CCDC171: variants seen among roughly 807,000 people sequenced by gnomAD.
The protein encoded by CCDC171 is coiled-coil domain containing 171, also known as coiled-coil domain-containing protein 171.
A neutral mutation model predicts 168.2 loss-of-function variants in CCDC171; 177 were observed. The observed-to-expected ratio is 1.05, with a 90% CI of 0.93 to 1.19. The LOEUF (loss-of-function observed/expected upper bound fraction) is 1.19. Among genes scored for constraint, CCDC171 ranks in the 50% most tolerant of loss-of-function variants. CCDC171 has a pLI of 0.00. For missense variants in CCDC171, 1,991 were observed against 1,539.0 expected (o/e 1.29, Z -4.91); for synonymous variants, 687 against 540.8 (o/e 1.27, Z -3.75).
chr9:15,668,885 C>A (rs779521424), intron 9 of CCDC171, among the ~76,000 whole-genome samples: 1 of 151,956 alleles, frequency 6.6e-6, no homozygotes, highest in Non-Finnish European at 1.5e-5. Context: ...CAAAGTAGTT[C>A]TAAGTTTTGG....
rs531702024 is a variant in CCDC171 at position 15,699,946 on chromosome 9, C to T, written c.1318+4609C>T. ...CTGAGCTAGACATAAAGATTCTCCA[C>T]GTCCCCACCAGACTCAGGAGCCCAA... On this transcript the variant is annotated intron_variant, in intron 11 of 25. Transcript: ENST00000380701. 2.6e-5 allele frequency among the ~76,000 whole-genome samples: 4 copies of T among 152,362 alleles called. No homozygotes were observed. In the East Asian group the frequency reaches 5.8e-4, roughly 22 times the overall value.
chr9:15,826,732 T>TC (rs2060029689), intron 21 of CCDC171, among the ~76,000 whole-genome samples: 2 of 151,984 alleles, frequency 1.3e-5, no homozygotes, highest in African/African-American at 4.8e-5. Context: ...TGACTTCATA[T>TC]ACCAGCCTTC....
intron 6 of CCDC171, among the ~76,000 whole-genome samples, chr9:15,600,505 G>A (rs551673984): frequency 3.9e-5 from 6 of 152,122 alleles, no homozygotes; most frequent in African/African-American, 4.8e-5. Context: ...AAGTTTTGTC[G>A]CAGAGGAGTA....
At chr9:15,808,611 T>C (rs562106977) in intron 21 of CCDC171, among the ~76,000 whole-genome samples, 1 of 152,140 alleles carries the variant, frequency 6.6e-6, no homozygotes, top group South Asian at 2.1e-4. Flanking sequence ...GGGTGCTTGA[T>C]TTCAGAGAGC....
chr9:15,794,746 A>G (rs778400364), intron 21 of CCDC171, among the ~76,000 whole-genome samples: 1 of 152,222 alleles, frequency 6.6e-6, no homozygotes, highest in Non-Finnish European at 1.5e-5. Flanking sequence ...TCCTATCAGA[A>G]GTTTGCTGAC....
intron 7 of CCDC171, among the ~76,000 whole-genome samples, chr9:15,629,549 G>C (rs1761239747): frequency 6.6e-6 from 1 of 152,204 alleles, no homozygotes; most frequent in Non-Finnish European, 1.5e-5. Flanking sequence ...ATCTACGTCT[G>C]ATGGGTGTAC....
At chr9:15,646,349 A>G (rs976256516) in intron 7 of CCDC171, among the ~76,000 whole-genome samples, 5 of 152,190 alleles carry the variant, frequency 3.3e-5, no homozygotes, top group Non-Finnish European at 7.3e-5. Flanking sequence ...TCAACTAATG[A>G]GCAAAATAAC....
chr9:16,009,806 CAT>C (rs906122896), intron 3 of CCDC171, among the ~76,000 whole-genome samples: 6 of 151,954 alleles, frequency 3.9e-5, no homozygotes, highest in Non-Finnish European at 1.5e-5. Flanking sequence ...TTTAACAAAA[CAT>C]ATTTTATTTG....
intron 24 of CCDC171, among the ~76,000 whole-genome samples, chr9:15,919,500 A>T (rs917745647): frequency 6.6e-6 from 1 of 151,658 alleles, no homozygotes; most frequent in African/African-American, 2.4e-5. Flanking sequence ...ATGTCTTTGA[A>T]ATATGGGATT....
chr9:15,717,500 G>A (rs2053168476), intron 11 of CCDC171, among the ~76,000 whole-genome samples: 2 of 152,290 alleles, frequency 1.3e-5, no homozygotes, highest in East Asian at 1.9e-4. Context: ...AGACACCAGC[G>A]GGGGCAGCAA....
chr9:15,665,102 C>T (rs535010548), intron 8 of CCDC171, among the ~76,000 whole-genome samples: 8 of 152,104 alleles, frequency 5.3e-5, no homozygotes, highest in Non-Finnish European at 1.2e-4. Flanking sequence ...TCCTGGAACT[C>T]TCCCAGTTTC....
intron 7 of CCDC171, among the ~76,000 whole-genome samples, chr9:15,646,359 C>G (rs1236700778): frequency 6.6e-6 from 1 of 152,158 alleles, no homozygotes; most frequent in Admixed American, 6.5e-5. Flanking sequence ...AGCAAAATAA[C>G]CAGCTAACAT....
At chr9:16,064,392 T>C (rs1833969693), downstream of CCDC171, among the ~76,000 whole-genome samples, 1 of 151,682 alleles carries the variant, frequency 6.6e-6, no homozygotes, top group Non-Finnish European at 1.5e-5. Context: ...GGGGTGCAGA[T>C]AGAGGTGTGG....
chr9:15,655,781 C>G (rs2047880681), intron 7 of CCDC171, among the ~76,000 whole-genome samples: 2 of 152,096 alleles, frequency 1.3e-5, no homozygotes, highest in African/African-American at 4.8e-5. Context: ...AGAAGATACA[C>G]AGTTGGCAAA....
chr9:16,011,412 CT>C (rs66484670), intron 3 of CCDC171, among the ~76,000 whole-genome samples: 49,979 of 152,030 alleles, frequency 0.33, 8,523 homozygotes, highest in Non-Finnish European at 0.36. Context: ...CTGTTTTTTA[CT>C]TTTTTTTTGC....
intron 3 of CCDC171, among the ~76,000 whole-genome samples, chr9:16,006,087 C>G (rs960063338): frequency 6.6e-6 from 1 of 152,042 alleles, no homozygotes; most frequent in African/African-American, 2.4e-5. Flanking sequence ...GTCTCGAACT[C>G]CTGACCTCAG....
chr9:15,564,138 C>G lies in CCDC171; in HGVS notation c.41+9C>G, dbSNP rs2039534778. 6.3e-7 allele frequency: 1 copy of G among 1,599,070 alleles called. No homozygotes were observed. Among genetic ancestry groups the G allele is most frequent in the African/African-American group, 1.3e-5 (1 of 74,126 alleles). ...ACTGGTGATACCCAAAGGTAAGCCT[C>G]TAGTCTCTTCTTTTAGTTGATGAAC... is the stretch of plus-strand genomic sequence containing the variant. On this transcript the variant is annotated intron_variant, in intron 2 of 25. Transcript: ENST00000380701.
intron 18 of CCDC171, among the ~76,000 whole-genome samples, chr9:15,769,073 A>G (rs1483328751): frequency 6.6e-6 from 1 of 152,250 alleles, no homozygotes; most frequent in Non-Finnish European, 1.5e-5. Context: ...CTCCAGACAT[A>G]TGAGAAATAA....
chr9:15,714,082 T>C (rs925306583), intron 11 of CCDC171, among the ~76,000 whole-genome samples: 1 of 152,160 alleles, frequency 6.6e-6, no homozygotes, highest in South Asian at 2.1e-4. Flanking sequence ...TCATATTGAT[T>C]AATTCACTGT....
Sources: gnomAD v4.1 joint callset for allele counts (sites outside exome capture counted in the v4.1 genomes callset) on GRCh38, gnomAD v4.1.1 for gene constraint, MANE v1.5 for transcripts, NCBI Gene and HGNC (gene_info 2026-07-23, HGNC 2026-07-21) for gene names.